Variants in PKD2 observed in about 807,000 individuals in gnomAD.
The protein encoded by PKD2 is polycystin 2, transient receptor potential cation channel.
A neutral mutation model predicts 105.9 loss-of-function variants in PKD2; 48 were observed. The observed-to-expected ratio is 0.45, with a 90% CI of 0.36 to 0.58. The LOEUF (loss-of-function observed/expected upper bound fraction) is 0.58. PKD2 is among the 20% of genes least tolerant of loss of function. The pLI is 0.00. For synonymous variants in PKD2, 464 were observed against 481.1 expected (o/e 0.96, Z 0.46); for missense variants, 1,078 against 1,255.3 (o/e 0.86, Z 2.13).
chr4:88,032,863 A>G (rs1727209966), intron 2 of PKD2, among the ~76,000 whole-genome samples: 1 of 152,226 alleles, frequency 6.6e-6, no homozygotes, highest in African/African-American at 2.4e-5. Context: ...TCTAGATTCC[A>G]AAATCAGGCT....
In PKD2 at chr4:88,014,486, T is replaced by TAAAA. The variant is rs33970692; in HGVS notation, c.596-4960_596-4957dup. 8.6e-4 allele frequency among the ~76,000 whole-genome samples: 124 copies of TAAAA among 144,716 alleles called. 1 individual carries two copies. The highest frequency in any genetic ancestry group is 1.1e-3 in the African/African-American group (43 of 39,162). The allele number at this position is 144,716 out of a possible 152,430, so 94.9% of individuals were successfully genotyped here. A position where few individuals can be genotyped will look rare whatever the true frequency, so the allele number is the denominator to read the frequency against. On this transcript the variant is annotated intron_variant, in intron 1 of 14. Coordinates refer to ENST00000237596, the MANE Select transcript of PKD2 (RefSeq NM_000297.4). ...GGGCAACATAGCAAGACACTGTCTC[T>TAAAA]AAAAAAAAAAAAAAATTCAAGATTC...
At chr4:88,067,652 T>G (rs185000911) in intron 12 of PKD2, among the ~76,000 whole-genome samples, 49 of 152,204 alleles carry the variant, frequency 3.2e-4, no homozygotes, top group Non-Finnish European at 6.6e-4. Flanking sequence ...CTTCATTTAG[T>G]TTTTTCTTTG....
At position 88,044,020 on chromosome 4, in the gene PKD2, A is replaced by C. The variant is rs17013740; in HGVS notation, c.1319+563A>C. Among the ~76,000 whole-genome samples, 742 of 152,304 alleles carry C rather than the reference A, an allele frequency of 4.9e-3. 3 individuals are homozygous for C. The highest frequency in any genetic ancestry group is 0.017 in the African/African-American group (702 of 41,564). ...TCTGTGAGATAGTAACAAAAATGAC[A>C]AAGATTCCACTGGCTTGTCTGGGAC... On this transcript the variant is annotated intron_variant, in intron 5 of 14. Coordinates refer to ENST00000237596, the MANE Select transcript of PKD2 (RefSeq NM_000297.4).
At chr4:88,036,460 C>T in intron 3 of PKD2, 107 bp downstream of exon 3, 1 of 1,560,848 alleles carries the variant, frequency 6.4e-7, no homozygotes, top group Non-Finnish European at 8.7e-7. Context: ...GCATTTAACA[C>T]TGTGTGAGAC....
Position 88,036,222 on chromosome 4 carries a change from A to C in PKD2, c.712A>C (p.Thr238Pro). The change falls in exon 3 of 15, where the codon ACC (threonine) becomes CCC (proline). Residue 238 changes from threonine (T) to proline (P), a missense_variant and splice_region_variant. Coordinates refer to ENST00000237596, the MANE Select transcript of PKD2 (RefSeq NM_000297.4). ...LLFLIVLCIL[T>P]YGMMSSNVYY... is the part of the protein sequence containing the mutation. ...ATTTGGATCTTTCTGTGTTCCAGTG[A>C]CCTACGGCATGATGAGCTCCAATGT... 3 of 1,613,710 alleles carry C rather than the reference A, an allele frequency of 1.9e-6. No homozygotes were observed. The highest frequency in any genetic ancestry group is 2.5e-6 in the Non-Finnish European group (3 of 1,179,712).
intron 4 of PKD2, among the ~76,000 whole-genome samples, chr4:88,041,358 AGGG>A (rs1727557604): frequency 6.6e-6 from 1 of 152,158 alleles, no homozygotes; most frequent in Non-Finnish European, 1.5e-5. Context: ...GACTTTGCTA[AGGG>A]AGCTGTGTCA....
chr4:88,008,545 A>C (rs772573184), intron 1 of PKD2, among the ~76,000 whole-genome samples: 2 of 152,196 alleles, frequency 1.3e-5, no homozygotes, highest in African/African-American at 2.4e-5. Context: ...TATTTATTGG[A>C]TACCTCCTTC....
rs556365744 is a variant in PKD2, at chr4:88,075,942, G to A, written c.*248G>A. ...TACAGAAAAAAAATCTTCATGATGT[G>A]TATTGAGCGGTACGCCCAGTTGCCA... On this transcript the variant is annotated 3_prime_UTR_variant, in exon 15 of 15. Transcript: ENST00000237596. The A allele has an allele frequency of 6.1e-6, 3 of 493,536 alleles. No individual in the cohort carries two copies. The highest frequency in any genetic ancestry group is 3.9e-5 in the African/African-American group (2 of 51,608). The allele number at this position is 493,536 out of a possible 1,614,324, so 30.6% of individuals were successfully genotyped here. A position where few individuals can be genotyped will look rare whatever the true frequency, so the allele number is the denominator to read the frequency against.
At position 88,075,810 on chromosome 4, in the gene PKD2, C is replaced by A. The variant is rs529071216; in HGVS notation, c.*116C>A. The A allele has an allele frequency of 1.3e-6, 1 of 785,038 alleles. No homozygotes were observed. 48.6% of individuals were successfully genotyped at this position (785,038 alleles called of 1,614,324 possible). ...ACCATAGGATGCTAGTCTTTGTGACCGATTGCTAATCTTCTGCACTTTAAT... is the reference window on the plus strand; with the variant it reads ...ACCATAGGATGCTAGTCTTTGTGACAGATTGCTAATCTTCTGCACTTTAAT... On this transcript the variant is annotated 3_prime_UTR_variant, in exon 15 of 15. Coordinates refer to ENST00000237596, the MANE Select transcript of PKD2 (RefSeq NM_000297.4).
chr4:88,009,089 A>T (rs1368163737), intron 1 of PKD2, among the ~76,000 whole-genome samples: 3 of 152,234 alleles, frequency 2.0e-5, no homozygotes, highest in Non-Finnish European at 4.4e-5. Context: ...ACCAGATAGC[A>T]GCTGATAAAT....
At chr4:88,009,015 T>A (rs1449924824) in intron 1 of PKD2, among the ~76,000 whole-genome samples, 2 of 152,208 alleles carry the variant, frequency 1.3e-5, no homozygotes, top group African/African-American at 2.4e-5. Flanking sequence ...TTTAAAAAAA[T>A]TTGAAGTATG....
At chr4:88,011,453 G>A (rs148969873) in intron 1 of PKD2, among the ~76,000 whole-genome samples, 11 of 151,554 alleles carry the variant, frequency 7.3e-5, no homozygotes, top group South Asian at 4.2e-4. Flanking sequence ...TTTTTTGCTC[G>A]TGTAACATTT....
At position 88,038,352 on chromosome 4, in the gene PKD2, G is replaced by A. The variant is rs201789789; in HGVS notation, c.945G>A (p.Leu315=). The part of the protein sequence containing the change: ...NRSFIFYENL[L]LGVPRIRQLR... The stretch of plus-strand genomic sequence containing the variant: ...GTTTCATCTTCTATGAGAACCTGCT[G>A]TTAGGGGTTCCACGAATACGGCAAC... The change falls in exon 4 of 15, where the codon CTG becomes CTA. Residue 315 remains leucine (L), a synonymous_variant. Transcript: ENST00000237596. The A allele has an allele frequency of 4.1e-5, 66 of 1,613,970 alleles. No individual in the cohort carries two copies. Among genetic ancestry groups the A allele is most frequent in the Non-Finnish European group, 5.2e-5 (61 of 1,179,934 alleles).
intron 6 of PKD2, among the ~76,000 whole-genome samples, chr4:88,048,189 C>T (rs1304918247): frequency 6.6e-6 from 1 of 152,170 alleles, no homozygotes; most frequent in Non-Finnish European, 1.5e-5. Flanking sequence ...CCTATGATAG[C>T]CATTACCTTC....
intron 9 of PKD2, among the ~76,000 whole-genome samples, chr4:88,061,103 A>G (rs1028184336): frequency 6.6e-6 from 1 of 152,036 alleles, no homozygotes; most frequent in Admixed American, 6.6e-5. Flanking sequence ...AGCCTTTTAA[A>G]CTCTTTAAAA....
chr4:88,067,664 C>G (rs1433879412), intron 12 of PKD2, among the ~76,000 whole-genome samples: 1 of 152,122 alleles, frequency 6.6e-6, no homozygotes, highest in African/African-American at 2.4e-5. Flanking sequence ...TTTTCTTTGC[C>G]TGCTGTGTTT....
intron 2 of PKD2, among the ~76,000 whole-genome samples, chr4:88,021,288 T>C (rs1466597709): frequency 6.6e-6 from 1 of 152,214 alleles, no homozygotes; most frequent in East Asian, 1.9e-4. Context: ...AGAGCCTCCA[T>C]AATGTAGCCT....
chr4:88,042,260 G>A (rs938490976), intron 4 of PKD2, among the ~76,000 whole-genome samples: 1 of 152,232 alleles, frequency 6.6e-6, no homozygotes, highest in South Asian at 2.1e-4. Flanking sequence ...CGAGGAGCAA[G>A]TCACGTCTTA....
At chr4:88,070,334 G>A (rs993325017) in intron 13 of PKD2, among the ~76,000 whole-genome samples, 2 of 151,778 alleles carry the variant, frequency 1.3e-5, no homozygotes, top group African/African-American at 4.8e-5. Flanking sequence ...ATCCTACTTA[G>A]AAAGTGTTTT....
Sources: allele counts gnomAD v4.1 joint callset (sites outside exome capture counted in the v4.1 genomes callset), GRCh38; gene constraint gnomAD v4.1.1; transcripts MANE v1.5; gene names NCBI Gene and HGNC (gene_info 2026-07-23, HGNC 2026-07-21).